PCDHGB1: variants seen among roughly 807,000 people sequenced by gnomAD.
PCDHGB1 encodes the protein protocadherin gamma-B1.
A neutral mutation model predicts 56.6 loss-of-function variants in PCDHGB1; 34 were observed. That is an observed-to-expected ratio of 0.60 (90% CI 0.46 to 0.80). The LOEUF is 0.80. PCDHGB1 is among the 30% of genes least tolerant of loss of function. PCDHGB1 has a pLI of 0.00. For missense variants in PCDHGB1, 1,278 were observed against 1,204.6 expected (o/e 1.06, Z -0.90); for synonymous variants, 561 against 505.9 (o/e 1.11, Z -1.46).
intron 1 of PCDHGB1, chr5:141,418,683 CAG>C: frequency 6.2e-7 from 1 of 1,614,048 alleles, no homozygotes; most frequent in African/African-American, 1.3e-5. Flanking sequence ...GGCATCAACT[CAG>C]AGATCACTTA....
chr5:141,370,601 T>G, intron 1 of PCDHGB1: 2 of 1,614,004 alleles, frequency 1.2e-6, no homozygotes, highest in Non-Finnish European at 1.7e-6. Context: ...TGCGGGTTAT[T>G]GCAGAGAAGA....
rs192995605 is a variant in PCDHGB1 at position 141,395,094 on chromosome 5, G to C, written c.2409+42425G>C. 2.2e-4 allele frequency: 348 copies of C among 1,614,160 alleles called. 5 individuals carry two copies. The East Asian group carries it at 7.6e-3, about 35-fold the overall frequency. ...CTATTCCCAGGAAGTCTCCCTCACC[G>C]CCGACTCGCGGAAGAGTCACCTGAT... On this transcript the variant is annotated intron_variant, in intron 1 of 3. Transcript: ENST00000523390.
chr5:141,368,577 T>G (rs1765736548), intron 1 of PCDHGB1, among the ~76,000 whole-genome samples: 1 of 152,068 alleles, frequency 6.6e-6, no homozygotes, highest in Admixed American at 6.5e-5. Flanking sequence ...CTTCTTAGGG[T>G]AAGGTGTTTG....
intron 1 of PCDHGB1, chr5:141,355,527 T>G (rs763714281): frequency 6.2e-7 from 1 of 1,614,060 alleles, no homozygotes; most frequent in Non-Finnish European, 8.5e-7. Flanking sequence ...TGGAGATTCT[T>G]CTAGAAGATA....
At chr5:141,455,837 AT>A (rs2098833014) in intron 1 of PCDHGB1, among the ~76,000 whole-genome samples, 2 of 151,422 alleles carry the variant, frequency 1.3e-5, no homozygotes, top group African/African-American at 4.8e-5. Context: ...TTTCCTGTCT[AT>A]CTGCATAAAA....
chr5:141,441,739 C>T, intron 1 of PCDHGB1: 1 of 365,272 alleles, frequency 2.7e-6, no homozygotes, highest in South Asian at 2.2e-5. Context: ...GACTAGCTCG[C>T]GCTCGGCGTC....
At chr5:141,357,941 A>C (rs558616787) in intron 1 of PCDHGB1, among the ~76,000 whole-genome samples, 1 of 152,214 alleles carries the variant, frequency 6.6e-6, no homozygotes, top group East Asian at 1.9e-4. Flanking sequence ...TGTAATCCTA[A>C]CACTTTGGGA....
At chr5:141,414,342 C>A in intron 1 of PCDHGB1, 2 of 1,613,810 alleles carry the variant, frequency 1.2e-6, no homozygotes, top group East Asian at 2.2e-5. Flanking sequence ...TAACCTGTTC[C>A]ATTTTGGCGT....
intron 2 of PCDHGB1, among the ~76,000 whole-genome samples, chr5:141,504,689 G>A (rs1395389800): frequency 6.6e-6 from 1 of 151,502 alleles, no homozygotes; most frequent in South Asian, 2.1e-4. Context: ...TAAAATAGGA[G>A]GGGCAGGTTC....
rs141363854 is a variant in PCDHGB1, at chr5:141,371,204, T to C, written c.2409+18535T>C. 1.5e-4 allele frequency: 240 copies of C among 1,614,012 alleles called. 1 individual carries two copies. The African/African-American group carries it at 3.0e-3, about 20-fold the overall frequency. ...TAAAAGTGATGGCCATTGACATGGA[T>C]GAGGGCATCAATGCCGAAATCATCT... On this transcript the variant is annotated intron_variant, in intron 1 of 3. Coordinates refer to ENST00000523390, the MANE Select transcript of PCDHGB1 (RefSeq NM_018922.3).
At chr5:141,382,174 T>C (rs565518933) in intron 1 of PCDHGB1, among the ~76,000 whole-genome samples, 1 of 152,302 alleles carries the variant, frequency 6.6e-6, no homozygotes, top group African/African-American at 2.4e-5. Context: ...TTAGACCGTC[T>C]CTAAGGTTCT....
chr5:141,455,107 C>T (rs1027661420), intron 1 of PCDHGB1, among the ~76,000 whole-genome samples: 20 of 151,774 alleles, frequency 1.3e-4, no homozygotes, highest in Non-Finnish European at 2.4e-4. Context: ...CCACTGCGCC[C>T]GGTGGGTCTA....
intron 1 of PCDHGB1, chr5:141,478,484 C>A (rs376021397): frequency 1.2e-5 from 20 of 1,613,340 alleles, no homozygotes; most frequent in Non-Finnish European, 1.4e-5. Context: ...GAACACGCTG[C>A]GGAGCTGTGA....
rs200931939 is a variant in PCDHGB1, at chr5:141,423,096, C to T, written c.2409+70427C>T. On this transcript the variant is annotated intron_variant, in intron 1 of 3. Transcript: ENST00000523390. Reference sequence around the variant, plus strand: ...CGGGACTCTTCGCGGTGGGGGAGCACACGGGCGAGGTGCGTACAGCGCGGG... The same window carrying T: ...CGGGACTCTTCGCGGTGGGGGAGCATACGGGCGAGGTGCGTACAGCGCGGG... The T allele has an allele frequency of 3.8e-5, 61 of 1,613,974 alleles. No individual in the cohort carries two copies. In the East Asian group the frequency reaches 1.3e-3, roughly 35 times the overall value.
intron 1 of PCDHGB1, among the ~76,000 whole-genome samples, chr5:141,449,281 G>A (rs1051064124): frequency 6.6e-6 from 1 of 151,946 alleles, no homozygotes; most frequent in Non-Finnish European, 1.5e-5. Context: ...TCCTTCACCC[G>A]GATGCACCGG....
At chr5:141,390,299 A>G in intron 1 of PCDHGB1, 1 of 1,613,858 alleles carries the variant, frequency 6.2e-7, no homozygotes, top group Non-Finnish European at 8.5e-7. Context: ...TCCTTTAAGT[A>G]TAATTTAATG....
Position 141,486,429 on chromosome 5 carries a change from C to G in PCDHGB1, c.2410-8378C>G, listed in dbSNP as rs2099629385. On this transcript the variant is annotated intron_variant, in intron 1 of 3. Transcript: ENST00000523390. The surrounding 1 kb of genome is among the most constrained non-coding windows in gnomAD (Gnocchi z 5.0). ...GGACCCTTGGATCGAGAGGCCAAAT[C>G]TAGCTATGACATCATGGTCACTGCT... 1.1e-5 allele frequency: 17 copies of G among 1,614,192 alleles called. No homozygotes were observed. Among genetic ancestry groups the G allele is most frequent in the Non-Finnish European group, 1.4e-5 (17 of 1,180,008 alleles).
intron 1 of PCDHGB1, chr5:141,361,109 G>C: frequency 1.2e-6 from 2 of 1,613,990 alleles, no homozygotes; most frequent in Non-Finnish European, 1.7e-6. Flanking sequence ...AAAGATCCTG[G>C]AGATCTAGCA....
chr5:141,402,369 A>C (rs1281295306), intron 1 of PCDHGB1, among the ~76,000 whole-genome samples: 1 of 152,066 alleles, frequency 6.6e-6, no homozygotes, highest in Non-Finnish European at 1.5e-5. Context: ...ACTTCCAAAC[A>C]AGATTGCACA....
Sources: gnomAD v4.1 joint callset for allele counts (sites outside exome capture counted in the v4.1 genomes callset) on GRCh38, gnomAD v4.1.1 for gene constraint, Gnocchi (gnomAD v3.1) non-coding constraint, MANE v1.5 for transcripts, NCBI Gene and HGNC (gene_info 2026-07-23, HGNC 2026-07-21) for gene names.